Variants in AGBL1 observed in about 807,000 individuals in gnomAD.
The protein encoded by AGBL1 is cytosolic carboxypeptidase 4.
A neutral mutation model predicts 118.9 loss-of-function variants in AGBL1; 130 were observed. That is an observed-to-expected ratio of 1.09 (90% CI 0.95 to 1.26). AGBL1 has a LOEUF of 1.26. Among genes scored for constraint, AGBL1 ranks in the 50% most tolerant of loss-of-function variants. The pLI, the probability that AGBL1 is intolerant of heterozygous loss-of-function variation, is 0.00. For synonymous variants in AGBL1, 555 were observed against 478.9 expected, an observed-to-expected ratio of 1.16 and a Z score of -2.08; for missense variants, 1,584 against 1,298.1, an observed-to-expected ratio of 1.22 and a Z score of -3.38.
At chr15:86,950,719 TAAG>T (rs1372749783) in intron 23 of AGBL1, among the ~76,000 whole-genome samples, 8 of 151,966 alleles carry the variant, frequency 5.3e-5, no homozygotes, top group East Asian at 1.9e-4. Flanking sequence ...GAATGTTAAA[TAAG>T]AAGAAGAAAC....
intron 6 of AGBL1, among the ~76,000 whole-genome samples, chr15:86,234,192 G>A (rs1257832188): frequency 6.6e-6 from 1 of 152,042 alleles, no homozygotes; most frequent in East Asian, 1.9e-4. Flanking sequence ...AGTGCTCAAG[G>A]TGGCTTGGTG....
intron 21 of AGBL1, among the ~76,000 whole-genome samples, chr15:86,652,573 T>G (rs1007794560): frequency 1.3e-5 from 2 of 152,168 alleles, no homozygotes; most frequent in Non-Finnish European, 2.9e-5. Context: ...ATTTAAACAT[T>G]TGTTTGGGTA....
chr15:86,266,959 A>G (rs2079084196), intron 12 of AGBL1, 31 bp from the exon 13 acceptor site: 8 of 1,463,220 alleles, frequency 5.5e-6, no homozygotes, highest in African/African-American at 2.8e-5. Context: ...GTGATAACAC[A>G]TATGTTCACA....
At chr15:86,190,268 GA>G (rs34508829) in intron 5 of AGBL1, among the ~76,000 whole-genome samples, 1 of 151,858 alleles carries the variant, frequency 6.6e-6, no homozygotes. Flanking sequence ...TTAAAGAATA[GA>G]AAAAATTGAT....
chr15:86,555,989 G>C (rs779476757), intron 21 of AGBL1, among the ~76,000 whole-genome samples: 20 of 152,298 alleles, frequency 1.3e-4, no homozygotes, highest in South Asian at 8.3e-4. Context: ...GTCTTGATGG[G>C]AAGGGGCTTG....
intron 19 of AGBL1, among the ~76,000 whole-genome samples, chr15:86,545,801 T>C (rs914856938): frequency 6.6e-6 from 1 of 152,158 alleles, no homozygotes; most frequent in African/African-American, 2.4e-5. Context: ...CTCTGATAAC[T>C]CCATCGATAC....
rs372578489 is a variant in AGBL1, at chr15:86,851,502, A to C, written c.3159-55585A>C. On this transcript the variant is annotated intron_variant, in intron 22 of 22. Transcript: ENST00000614907. ...GTTTGAAATGGTAAGATATATATCA[A>C]ACCCATTCAGTGGGCACAACTTTCT... Among the ~76,000 whole-genome samples, 266 of 152,310 alleles carry C rather than the reference A, an allele frequency of 1.7e-3. 7 individuals carry two copies. The South Asian group carries it at 0.052, about 30-fold the overall frequency.
chr15:86,455,234 A>G (rs1015222017), intron 18 of AGBL1, among the ~76,000 whole-genome samples: 4 of 152,186 alleles, frequency 2.6e-5, no homozygotes, highest in African/African-American at 4.8e-5. Context: ...TGCCTGGTAC[A>G]TAGGAGGCAC....
At chr15:87,005,979 G>T (rs185589996) in intron 24 of AGBL1, among the ~76,000 whole-genome samples, 153 of 152,320 alleles carry the variant, frequency 1.0e-3, no homozygotes, top group African/African-American at 3.5e-3. Context: ...TGTTTGCCTG[G>T]ATATTAGCAG....
intron 22 of AGBL1, among the ~76,000 whole-genome samples, chr15:86,707,215 T>G (rs2142669837): frequency 6.6e-6 from 1 of 152,200 alleles, no homozygotes; most frequent in East Asian, 1.9e-4. Flanking sequence ...CACCTTTACA[T>G]CTGTGCACAA....
intron 18 of AGBL1, among the ~76,000 whole-genome samples, chr15:86,442,435 T>C (rs2082075170): frequency 6.6e-6 from 1 of 152,230 alleles, no homozygotes; most frequent in South Asian, 2.1e-4. Context: ...AATATAATCA[T>C]ATTTACCTCA....
chr15:86,742,004 G>A (rs1465881453), intron 22 of AGBL1, among the ~76,000 whole-genome samples: 1 of 150,858 alleles, frequency 6.6e-6, no homozygotes, highest in Non-Finnish European at 1.5e-5. Flanking sequence ...ACTATGAGTG[G>A]CTTAAAACCC....
intron 6 of AGBL1, among the ~76,000 whole-genome samples, chr15:86,246,258 A>G (rs903817148): frequency 1.1e-4 from 17 of 152,156 alleles, no homozygotes; most frequent in African/African-American, 4.1e-4. Context: ...GGGTAAAGTT[A>G]GTTGGGGTGT....
intron 22 of AGBL1, among the ~76,000 whole-genome samples, chr15:86,721,159 A>G (rs1469022846): frequency 6.6e-6 from 1 of 152,236 alleles, no homozygotes; most frequent in Non-Finnish European, 1.5e-5. Flanking sequence ...TGAGGCCAGC[A>G]TCATCCTGAT....
intron 21 of AGBL1, among the ~76,000 whole-genome samples, chr15:86,562,889 G>C (rs1212063140): frequency 2.0e-5 from 3 of 152,160 alleles, no homozygotes; most frequent in African/African-American, 7.2e-5. Flanking sequence ...CATGTGTCCA[G>C]GAGTTTATCC....
chr15:86,819,433 CAA>C (rs1223280909), intron 22 of AGBL1, among the ~76,000 whole-genome samples: 2 of 151,928 alleles, frequency 1.3e-5, no homozygotes, highest in Non-Finnish European at 2.9e-5. Context: ...GCAACTTCAG[CAA>C]AGTCTCAGGA....
chr15:86,534,567 T>C (rs1015036389), intron 19 of AGBL1, among the ~76,000 whole-genome samples: 1 of 152,172 alleles, frequency 6.6e-6, no homozygotes, highest in Non-Finnish European at 1.5e-5. Flanking sequence ...GTGACTCCAT[T>C]CCCATTTTCT....
At position 86,340,875 on chromosome 15, in the gene AGBL1, C is replaced by T. The variant is rs572596684; in HGVS notation, c.2374+45467C>T. Among the ~76,000 whole-genome samples the T allele has an allele frequency of 2.8e-3, 434 of 152,298 alleles. 2 individuals carry two copies. The highest frequency in any genetic ancestry group is 4.4e-3 in the Non-Finnish European group (299 of 68,028). On this transcript the variant is annotated intron_variant, in intron 17 of 22. Coordinates refer to ENST00000614907, the MANE Select transcript of AGBL1 (RefSeq NM_001386094.1). ...TGAGGATTCTGGCTGCACACTAAGC[C>T]TGCATTGGTACCACTCTGACTGGGA...
intron 18 of AGBL1, among the ~76,000 whole-genome samples, chr15:86,457,034 A>G (rs16977331): frequency 0.045 from 6,841 of 152,238 alleles, 209 homozygotes; most frequent in South Asian, 0.097. Flanking sequence ...AGTAAACTAA[A>G]TGGACAAAAT....
Sources: allele counts gnomAD v4.1 joint callset (sites outside exome capture counted in the v4.1 genomes callset), GRCh38; gene constraint gnomAD v4.1.1; transcripts MANE v1.5; gene names NCBI Gene and HGNC (gene_info 2026-07-23, HGNC 2026-07-21).